MTHFD1L: variants seen among roughly 807,000 people sequenced by gnomAD.
MTHFD1L encodes the protein monofunctional C1-tetrahydrofolate synthase, mitochondrial.
In MTHFD1L, 81 loss-of-function variants were observed where a neutral mutation model predicts 119.5. That is an observed-to-expected ratio of 0.68 (90% CI 0.57 to 0.82). MTHFD1L has a LOEUF of 0.82. Among genes scored for constraint, MTHFD1L ranks in the 40% least tolerant of loss-of-function variants. The probability of loss-of-function intolerance (pLI) is 0.00; values close to 1 mark genes in which losing one functional copy is unlikely to be tolerated. For missense variants in MTHFD1L, 1,125 were observed against 1,253.4 expected (o/e 0.90, Z 1.55); for synonymous variants, 430 against 475.2 (o/e 0.90, Z 1.24).
chr6:150,896,533 G>A (rs1784250041), intron 7 of MTHFD1L, among the ~76,000 whole-genome samples: 1 of 152,190 alleles, frequency 6.6e-6, no homozygotes, highest in African/African-American at 2.4e-5. Flanking sequence ...GCGAGTGGCT[G>A]AGGTCATCAG....
intron 6 of MTHFD1L, among the ~76,000 whole-genome samples, chr6:150,886,475 C>A (rs1009287161): frequency 4.7e-5 from 7 of 150,160 alleles, no homozygotes; most frequent in South Asian, 2.1e-4. Flanking sequence ...AAGAAGAAGC[C>A]GGTAGATGTA....
intron 26 of MTHFD1L, among the ~76,000 whole-genome samples, chr6:151,091,053 G>A (rs995136119): frequency 1.4e-4 from 20 of 144,700 alleles, no homozygotes; most frequent in South Asian, 2.2e-4. Context: ...CGCCCCATGC[G>A]ACTGGGTGCA....
chr6:150,918,169 G>A (rs949658328), intron 8 of MTHFD1L, among the ~76,000 whole-genome samples: 5 of 150,342 alleles, frequency 3.3e-5, no homozygotes, highest in African/African-American at 7.4e-5. Context: ...AGCTTCAAGC[G>A]ATTCTCCTGC....
At chr6:150,976,941 G>T (rs986759662) in intron 20 of MTHFD1L, among the ~76,000 whole-genome samples, 1 of 152,148 alleles carries the variant, frequency 6.6e-6, no homozygotes, top group African/African-American at 2.4e-5. Context: ...GTATACTCTG[G>T]AAAAGAAGTA....
At position 150,971,970 on chromosome 6, in the gene MTHFD1L, G is replaced by C. The variant is rs751270773; in HGVS notation, c.2037G>C (p.Ala679=). Residue 679 remains alanine, a synonymous_variant, in exon 20 of 28, where the codon GCG becomes GCC. Coordinates refer to ENST00000367321, the MANE Select transcript of MTHFD1L (RefSeq NM_015440.5). ...AGGGGACACCTGTGTTCGTGCATGC[G>C]GGCCCTTTTGCTAACATTGCTCACG... ...TLEGTPVFVH[A]GPFANIAHGN... 3 of 1,614,010 alleles carry C rather than the reference G, an allele frequency of 1.9e-6. No homozygotes were observed. In the Admixed American group the frequency reaches 5.0e-5, roughly 27 times the overall value.
intron 26 of MTHFD1L, among the ~76,000 whole-genome samples, chr6:151,061,849 T>C (rs1028820859): frequency 2.0e-5 from 3 of 152,232 alleles, no homozygotes; most frequent in Admixed American, 6.5e-5. Flanking sequence ...TGTGGCTTGG[T>C]TGCACATTTT....
At chr6:150,994,633 AC>A in intron 20 of MTHFD1L, among the ~76,000 whole-genome samples, 1 of 152,292 alleles carries the variant, frequency 6.6e-6, no homozygotes, top group South Asian at 2.1e-4. Context: ...TGACCAGCCC[AC>A]CCTTTCATTC....
intron 13 of MTHFD1L, among the ~76,000 whole-genome samples, chr6:150,939,970 C>T (rs1021973131): frequency 6.6e-6 from 1 of 152,016 alleles, no homozygotes; most frequent in African/African-American, 2.4e-5. Flanking sequence ...CAGGCGTGAG[C>T]CACTGTGCCC....
At chr6:151,085,448 G>A (rs535103374) in intron 26 of MTHFD1L, among the ~76,000 whole-genome samples, 14 of 152,208 alleles carry the variant, frequency 9.2e-5, no homozygotes, top group African/African-American at 2.4e-4. Context: ...TATTCTGTTC[G>A]TTCTTTTGAA....
chr6:150,915,117 T>C (rs1442796938), intron 8 of MTHFD1L, among the ~76,000 whole-genome samples: 1 of 152,260 alleles, frequency 6.6e-6, no homozygotes, highest in East Asian at 1.9e-4. Flanking sequence ...TGGCTCATTA[T>C]GCTTGTTGAA....
intron 7 of MTHFD1L, among the ~76,000 whole-genome samples, chr6:150,895,795 AGAAG>A (rs1197606986): frequency 6.6e-6 from 1 of 152,206 alleles, no homozygotes; most frequent in African/African-American, 2.4e-5. Flanking sequence ...CCCAAACGGG[AGAAG>A]GAAGGAACTC....
At position 150,865,746 on chromosome 6, in the gene MTHFD1L, C is replaced by CCGCCGA; in HGVS notation, c.-76_-75insGCCGAC. On this transcript the variant is annotated 5_prime_UTR_variant, in exon 1 of 28. Transcript: ENST00000367321. Reference sequence around the variant, plus strand: ...CCCGCCGCCGCCGCCGCCGCCGCCGCCTGCTCCCCTGGCACGCGCCCCGCC... The same window carrying CCGCCGA: ...CCCGCCGCCGCCGCCGCCGCCGCCGCCGCCGACTGCTCCCCTGGCACGCGCCCCGCC... 8.5e-7 allele frequency: 1 copy of CCGCCGA among 1,172,064 alleles called. No individual in the cohort carries two copies. The highest frequency in any genetic ancestry group is 1.1e-6 in the Non-Finnish European group (1 of 948,080). The allele number at this position is 1,172,064 out of a possible 1,614,324, so 72.6% of individuals were successfully genotyped here.
chr6:150,908,614 CT>C (rs1388876446), intron 8 of MTHFD1L, among the ~76,000 whole-genome samples: 437 of 136,536 alleles, frequency 3.2e-3, no homozygotes, highest in Middle Eastern at 0.011. Context: ...ATGACAAGAG[CT>C]TTTTTTTTTT....
At chr6:151,044,301 T>A (rs1275201666) in intron 26 of MTHFD1L, among the ~76,000 whole-genome samples, 1 of 151,432 alleles carries the variant, frequency 6.6e-6, no homozygotes, top group Non-Finnish European at 1.5e-5. Flanking sequence ...CATTCTTTTT[T>A]TTTTTTTTTC....
At chr6:150,890,346 C>T (rs1783036713) in intron 7 of MTHFD1L, among the ~76,000 whole-genome samples, 1 of 152,086 alleles carries the variant, frequency 6.6e-6, no homozygotes, top group African/African-American at 2.4e-5. Flanking sequence ...TGGCCCCTTT[C>T]TGCTGTCAGG....
At chr6:151,055,183 T>C (rs1789688645) in intron 26 of MTHFD1L, among the ~76,000 whole-genome samples, 1 of 152,134 alleles carries the variant, frequency 6.6e-6, no homozygotes, top group South Asian at 2.1e-4. Flanking sequence ...GAAGAATCGC[T>C]TAAACCCAGG....
In MTHFD1L at chr6:150,885,016, G is replaced by T. The variant is rs1487515404; in HGVS notation, c.543-618G>T. Among the ~76,000 whole-genome samples, 4 of 152,080 alleles carry T rather than the reference G, an allele frequency of 2.6e-5. No individual in the cohort carries two copies. In the East Asian group the frequency reaches 7.7e-4, roughly 29 times the overall value. Reference sequence around the variant, plus strand: ...AGTCCATTGGGGTCCATTGAAAGGAGCTCCCTGGAGTTGCGAAGTGAAGCC... The same window carrying T: ...AGTCCATTGGGGTCCATTGAAAGGATCTCCCTGGAGTTGCGAAGTGAAGCC... On this transcript the variant is annotated intron_variant, in intron 5 of 27. Transcript: ENST00000367321.
At chr6:150,964,257 G>A (rs1796877575) in intron 18 of MTHFD1L, among the ~76,000 whole-genome samples, 2 of 152,198 alleles carry the variant, frequency 1.3e-5, no homozygotes, top group Admixed American at 6.5e-5. Flanking sequence ...TAGTTCTCAT[G>A]CATCATCCCT....
chr6:150,958,643 C>T (rs1795987808), intron 17 of MTHFD1L, among the ~76,000 whole-genome samples: 3 of 152,052 alleles, frequency 2.0e-5, no homozygotes, highest in Admixed American at 2.0e-4. Context: ...TTCATGCAAT[C>T]CACAAATATA....
Sources: gnomAD v4.1 joint callset for allele counts (sites outside exome capture counted in the v4.1 genomes callset) on GRCh38, gnomAD v4.1.1 for gene constraint, MANE v1.5 for transcripts, NCBI Gene and HGNC (gene_info 2026-07-23, HGNC 2026-07-21) for gene names.